The following IL25 variants were observed in gnomAD, a reference collection of about 807,000 sequenced individuals.
IL25 encodes the protein interleukin 25.
A neutral mutation model predicts 13.2 loss-of-function variants in IL25; 10 were observed. That is an observed-to-expected ratio of 0.76 (90% CI 0.47 to 1.29). The LOEUF (loss-of-function observed/expected upper bound fraction) is 1.29, where lower values mean the gene tolerates loss of function less well. IL25 is among the 50% of genes most tolerant of loss of function. The pLI, the probability that IL25 is intolerant of heterozygous loss-of-function variation, is 0.00. For synonymous variants in IL25, 107 were observed against 92.1 expected (o/e 1.16, Z -0.93); for missense variants, 235 against 232.4 (o/e 1.01, Z -0.07).
intron 1 of IL25, among the ~76,000 whole-genome samples, chr14:23,374,036 T>C (rs565856629): frequency 6.6e-6 from 1 of 152,330 alleles, no homozygotes; most frequent in East Asian, 1.9e-4. Flanking sequence ...AAGCAAAATA[T>C]TAAAAACTAG....
At chr14:23,372,827 A>G (rs1890451147), upstream of IL25, 2 of 811,654 alleles carry the variant, frequency 2.5e-6, no homozygotes, top group East Asian at 5.4e-5. Context: ...ACTCCCTAAA[A>G]AGACAGTGGA....
chr14:23,374,236 A>G (rs1890481866), intron 1 of IL25, among the ~76,000 whole-genome samples: 1 of 152,126 alleles, frequency 6.6e-6, no homozygotes, highest in African/African-American at 2.4e-5. Context: ...TCCTGGGCCA[A>G]ATCAGATGGC....
In IL25 at chr14:23,375,973, C is replaced by A. The variant is rs1595037855; in HGVS notation, c.*93C>A. 2.0e-6 allele frequency: 3 copies of A among 1,524,440 alleles called. No homozygotes were observed. The South Asian group carries it at 3.8e-5, about 19-fold the overall frequency. The allele number at this position is 1,524,440 out of a possible 1,614,324, so 94.4% of individuals were successfully genotyped here. A position where few individuals can be genotyped will look rare whatever the true frequency, so the allele number is the denominator to read the frequency against. Reference sequence around the variant, plus strand: ...AGGGCCAGGATGCCCAGATGCTTGGCCCCTGTGAAGTGCTGTCTGGAGCAG... The same window carrying A: ...AGGGCCAGGATGCCCAGATGCTTGGACCCTGTGAAGTGCTGTCTGGAGCAG... On this transcript the variant is annotated 3_prime_UTR_variant, in exon 2 of 2. Coordinates refer to ENST00000329715, the Ensembl canonical transcript of IL25.
At chr14:23,375,625 G>A in exon 2 of IL25, 1 of 1,612,884 alleles carries the variant, frequency 6.2e-7, no homozygotes, top group Non-Finnish European at 8.5e-7. Context: ...GCCCCCACAG[G>A]TTGGACAGAG....
chr14:23,373,091 A>C (rs2138557631), exon 1 of IL25: 1 of 1,613,864 alleles, frequency 6.2e-7, no homozygotes, highest in East Asian at 2.2e-5. Context: ...GTGGAGTGAG[A>C]AACTGGGATC....
Position 23,376,023 on chromosome 14 carries a change from GC to G in IL25, c.*144del, listed in dbSNP as rs1372606481. ...GCAGGATCCCGGGACAGGATGGGGG[GC>G]TTTGGGGAAAGCCTGCACTTCTGCA... is the stretch of plus-strand genomic sequence containing the variant. On this transcript the variant is annotated 3_prime_UTR_variant, in exon 2 of 2. Transcript: ENST00000329715. The G allele has an allele frequency of 9.5e-6, 11 of 1,154,810 alleles. No homozygotes were observed. The East Asian group carries it at 2.2e-4, about 23-fold the overall frequency. The allele number at this position is 1,154,810 out of a possible 1,614,324, so 71.5% of individuals were successfully genotyped here.
In IL25 at chr14:23,375,721, C is replaced by T. The variant is rs375467367; in HGVS notation, c.375C>T (p.Asp125=). The T allele has an allele frequency of 7.5e-5, 121 of 1,614,236 alleles. 1 individual carries two copies. The highest frequency in any genetic ancestry group is 7.1e-4 in the East Asian group (32 of 44,882). ...GCCTACAGACAGGCTCCCACATGGA[C>T]CCCCGGGGCAACTCGGAGCTGCTCT... The change falls in exon 2 of 2, where the codon GAC becomes GAT. Residue 125 remains aspartate (D), a synonymous_variant. Transcript: ENST00000329715.
exon 1 of IL25, chr14:23,373,150 G>T (rs1458557238): frequency 1.2e-6 from 2 of 1,614,204 alleles, no homozygotes; most frequent in Non-Finnish European, 1.7e-6. Context: ...GGTGAGGACA[G>T]TTCTCTCATT....
exon 2 of IL25, chr14:23,376,170 C>T: frequency 2.3e-6 from 1 of 429,142 alleles, no homozygotes; most frequent in Non-Finnish European, 4.2e-6. Flanking sequence ...GTCTCTTCCT[C>T]TTTTCCCATC....
exon 1 of IL25, chr14:23,373,355 T>C (rs1890464649): frequency 1.9e-6 from 3 of 1,613,880 alleles, no homozygotes; most frequent in Non-Finnish European, 2.5e-6. Context: ...CCAGTGAAGA[T>C]GGACCCCTCA....
chr14:23,375,524 G>A (rs1399825196), intron 1 of IL25, 101 bp from the exon 3 acceptor site: 1 of 1,423,904 alleles, frequency 7.0e-7, no homozygotes, highest in Non-Finnish European at 9.6e-7. Flanking sequence ...AGAGGCCAAG[G>A]CCCCAGACGG....
At chr14:23,374,726 CTTTCTTT>C (rs1378584604) in intron 1 of IL25, among the ~76,000 whole-genome samples, 128 of 116,558 alleles carry the variant, frequency 1.1e-3, no homozygotes, top group African/African-American at 5.5e-3. Flanking sequence ...TTCTTTCTTT[CTTTCTTT>C]TTTTTTTTTT....
At chr14:23,372,845 T>C, upstream of IL25, 1 of 929,752 alleles carries the variant, frequency 1.1e-6, no homozygotes, top group Non-Finnish European at 1.7e-6. Context: ...GGAAATAAAT[T>C]TGAATAAACA....
At chr14:23,375,898 T>C (rs763746872) in exon 2 of IL25, 1 of 1,609,378 alleles carries the variant, frequency 6.2e-7, no homozygotes, top group South Asian at 1.1e-5. Flanking sequence ...TGCTGGAGGC[T>C]GGTCCCTTTT....
intron 1 of IL25, among the ~76,000 whole-genome samples, chr14:23,374,350 C>T (rs1401828673): frequency 6.6e-6 from 1 of 152,124 alleles, no homozygotes; most frequent in South Asian, 2.1e-4. Context: ...GTGGCTTTCC[C>T]CAAAGTGTGT....
chr14:23,374,248 T>C (rs1890481964), intron 1 of IL25, among the ~76,000 whole-genome samples: 1 of 152,086 alleles, frequency 6.6e-6, no homozygotes, highest in South Asian at 2.1e-4. Flanking sequence ...TCAGATGGCA[T>C]GGGAGCTTCT....
exon 2 of IL25, chr14:23,375,637 C>T: frequency 6.2e-7 from 1 of 1,613,892 alleles, no homozygotes; most frequent in South Asian, 1.1e-5. Context: ...TGGACAGAGA[C>T]TTGAACCGGC....
At chr14:23,374,987 A>G (rs1890501722) in intron 1 of IL25, among the ~76,000 whole-genome samples, 2 of 152,112 alleles carry the variant, frequency 1.3e-5, no homozygotes, top group East Asian at 1.9e-4. Context: ...ACACCACCTA[A>G]AGTCCGGCCC....
At chr14:23,373,191 G>A (rs1222208640) in exon 1 of IL25, 1 of 1,614,212 alleles carries the variant, frequency 6.2e-7, no homozygotes, top group Admixed American at 1.7e-5. Flanking sequence ...TGCATTCTTG[G>A]CAATGGTCAT....
Sources: allele counts gnomAD v4.1 joint callset (sites outside exome capture counted in the v4.1 genomes callset), GRCh38; gene constraint gnomAD v4.1.1; transcripts MANE v1.5; gene names NCBI Gene and HGNC (gene_info 2026-07-23, HGNC 2026-07-21).